The following RORB variants were observed in gnomAD, a reference collection of about 807,000 sequenced individuals.
RORB encodes the protein RAR related orphan receptor B, also known as nuclear receptor ROR-beta.
Under a neutral mutation model 59.1 loss-of-function variants are expected in RORB, and 6 were observed. The observed-to-expected ratio is 0.10, with a 90% CI of 0.06 to 0.20. The LOEUF is 0.20. Among genes scored for constraint, RORB ranks in the 10% least tolerant of loss-of-function variants. The pLI is 1.00. For missense variants in RORB, 320 were observed against 560.5 expected, an observed-to-expected ratio of 0.57 and a Z score of 4.33; for synonymous variants, 215 against 204.5, an observed-to-expected ratio of 1.05 and a Z score of -0.44.
rs941112192 is a variant in RORB, at chr9:74,687,381, A to G, written c.*1763A>G. The G allele has an allele frequency of 6.6e-6, 1 of 151,920 alleles. No homozygotes were observed. Among genetic ancestry groups the G allele is most frequent in the Admixed American group, 6.6e-5 (1 of 15,248 alleles). The allele number at this position is 151,920 out of a possible 1,614,324, so 9.4% of individuals were successfully genotyped here. ...GTGGAAACTTTGATTTCTTTTTTTAATCTCTTATGCTCTCCTGAAGTTCAT... is the reference window on the plus strand; with the variant it reads ...GTGGAAACTTTGATTTCTTTTTTTAGTCTCTTATGCTCTCCTGAAGTTCAT... On this transcript the variant is annotated 3_prime_UTR_variant, in exon 10 of 10. Transcript: ENST00000376896.
intron 9 of RORB, among the ~76,000 whole-genome samples, chr9:74,676,534 T>C (rs1824444348): frequency 6.6e-6 from 1 of 152,242 alleles, no homozygotes. Context: ...TCTGAAAACA[T>C]GTTCAAGTGC....
At position 74,692,133 on chromosome 9, in the gene RORB, C is replaced by A. The variant is rs1433394644; in HGVS notation, c.*6515C>A. ...GGTCAGACCACTCATTTGCTGAAGC[C>A]ATAACTGACCTTCACCAAATAAATG... On this transcript the variant is annotated 3_prime_UTR_variant, in exon 10 of 10. Transcript: ENST00000376896. 2 of 152,060 alleles carry A rather than the reference C, an allele frequency of 1.3e-5. No individual in the cohort carries two copies. The highest frequency in any genetic ancestry group is 2.9e-5 in the Non-Finnish European group (2 of 68,010). The allele number at this position is 152,060 out of a possible 1,614,324, so 9.4% of individuals were successfully genotyped here.
At chr9:74,678,681 G>A (rs1417651774) in intron 9 of RORB, among the ~76,000 whole-genome samples, 1 of 152,058 alleles carries the variant, frequency 6.6e-6, no homozygotes, top group Non-Finnish European at 1.5e-5. Flanking sequence ...AACTACAAAA[G>A]GTCATTTATG....
At chr9:74,579,054 A>G (rs1283162004) in intron 1 of RORB, among the ~76,000 whole-genome samples, 2 of 152,172 alleles carry the variant, frequency 1.3e-5, no homozygotes, top group African/African-American at 2.4e-5. Context: ...AATCCTATGT[A>G]TGAAGATTTT....
chr9:74,594,795 A>C (rs1394330768), intron 1 of RORB, among the ~76,000 whole-genome samples: 1 of 152,226 alleles, frequency 6.6e-6, no homozygotes, highest in Admixed American at 6.5e-5. Flanking sequence ...AGAAGAAAGA[A>C]AAAGAGAAAA....
chr9:74,581,213 G>A (rs975942900), intron 1 of RORB, among the ~76,000 whole-genome samples: 6 of 152,108 alleles, frequency 3.9e-5, no homozygotes, highest in Non-Finnish European at 8.8e-5. Flanking sequence ...CTAAGCCCCA[G>A]AGAAAAGTCT....
In RORB at chr9:74,684,367, TTC is replaced by T. The variant is rs1459562877; in HGVS notation, c.1225-1095_1225-1094del. On this transcript the variant is annotated intron_variant, in intron 9 of 9. Transcript: ENST00000376896. ...AGATAGGTTTTGTTTAACTGTATTT[TTC>T]ATCAATTTCAAGTGTGTCTTTAGTC... Among the ~76,000 whole-genome samples the T allele has an allele frequency of 2.0e-5, 3 of 152,182 alleles. No individual in the cohort carries two copies. The East Asian group carries it at 5.8e-4, about 29-fold the overall frequency.
chr9:74,563,781 G>C (rs1822433305), intron 1 of RORB, among the ~76,000 whole-genome samples: 1 of 152,198 alleles, frequency 6.6e-6, no homozygotes, highest in African/African-American at 2.4e-5. Flanking sequence ...CTAGAACCTT[G>C]GAGTGAGTGG....
At chr9:74,636,766 G>A (rs924261287) in intron 3 of RORB, among the ~76,000 whole-genome samples, 3 of 152,072 alleles carry the variant, frequency 2.0e-5, no homozygotes, top group Non-Finnish European at 4.4e-5. Context: ...TCACGGGGGT[G>A]TGGGTGGGGT....
intron 1 of RORB, among the ~76,000 whole-genome samples, chr9:74,585,036 T>G (rs1228843375): frequency 6.6e-6 from 1 of 152,232 alleles, no homozygotes; most frequent in African/African-American, 2.4e-5. Context: ...CCTAATGCAG[T>G]GGTCCAGCCA....
chr9:74,520,372 C>A lies in RORB; in HGVS notation c.7+22389C>A, dbSNP rs1826068189. ...AGGCAGACTGACTGAAAGAAAAAAA[C>A]AACTTTGAAAACCTTGAATTCTGAA... is the stretch of plus-strand genomic sequence containing the variant. On this transcript the variant is annotated intron_variant, in intron 1 of 9. Transcript: ENST00000376896. 2.0e-5 allele frequency among the ~76,000 whole-genome samples: 3 copies of A among 151,986 alleles called. No homozygotes were observed. The South Asian group carries it at 6.2e-4, about 32-fold the overall frequency.
At position 74,552,606 on chromosome 9, in the gene RORB, C is replaced by G. The variant is rs531426868; in HGVS notation, c.7+54623C>G. 5.7e-3 allele frequency among the ~76,000 whole-genome samples: 872 copies of G among 152,084 alleles called. 6 individuals carry two copies. Among genetic ancestry groups the G allele is most frequent in the Non-Finnish European group, 9.3e-3 (635 of 67,998 alleles). On this transcript the variant is annotated intron_variant, in intron 1 of 9. Coordinates refer to ENST00000376896, the MANE Select transcript of RORB (RefSeq NM_006914.4). ...TTCAACGTAGGGTCATGTTTCTATA[C>G]TGAGCAAAAGGGCTTCTTTTGCTCA...
chr9:74,660,973 A>G (rs1030707149), intron 5 of RORB, among the ~76,000 whole-genome samples: 1 of 152,208 alleles, frequency 6.6e-6, no homozygotes, highest in Non-Finnish European at 1.5e-5. Context: ...CAAGGAGGCA[A>G]AACTACCCTG....
chr9:74,623,797 G>T (rs1012606430), intron 1 of RORB, among the ~76,000 whole-genome samples: 2 of 152,124 alleles, frequency 1.3e-5, no homozygotes, highest in Non-Finnish European at 2.9e-5. Context: ...GAATAACGTC[G>T]GGTCCCACGC....
chr9:74,553,208 G>A (rs887212537), intron 1 of RORB, among the ~76,000 whole-genome samples: 34 of 152,114 alleles, frequency 2.2e-4, no homozygotes, highest in African/African-American at 8.0e-4. Context: ...GAGCAGATGG[G>A]TTTTAACAAT....
intron 1 of RORB, among the ~76,000 whole-genome samples, chr9:74,609,596 A>G (rs1360700977): frequency 6.6e-6 from 1 of 152,228 alleles, no homozygotes; most frequent in Non-Finnish European, 1.5e-5. Flanking sequence ...AATATTTACC[A>G]TGTTTCAGAC....
intron 1 of RORB, among the ~76,000 whole-genome samples, chr9:74,566,317 G>T (rs1433942434): frequency 1.3e-5 from 2 of 151,506 alleles, no homozygotes; most frequent in African/African-American, 4.9e-5. Flanking sequence ...TCATAGAGTT[G>T]TTGGGAAGAT....
At chr9:74,529,001 G>T (rs1484409924) in intron 1 of RORB, among the ~76,000 whole-genome samples, 2 of 151,996 alleles carry the variant, frequency 1.3e-5, no homozygotes, top group African/African-American at 4.8e-5. Flanking sequence ...AAAAATGGTT[G>T]ATTGAACTCT....
chr9:74,506,817 A>G (rs976220301), intron 1 of RORB, among the ~76,000 whole-genome samples: 2 of 152,146 alleles, frequency 1.3e-5, no homozygotes, highest in Non-Finnish European at 2.9e-5. Context: ...TAATTGTTTT[A>G]AATGCTGAAT....
Sources: allele counts gnomAD v4.1 joint callset (sites outside exome capture counted in the v4.1 genomes callset), GRCh38; gene constraint gnomAD v4.1.1; transcripts MANE v1.5; gene names NCBI Gene and HGNC (gene_info 2026-07-23, HGNC 2026-07-21).